Variants in HGS observed in about 807,000 individuals in gnomAD.
The protein encoded by HGS is human growth factor-regulated tyrosine kinase substrate.
Under a neutral mutation model 109.7 loss-of-function variants are expected in HGS, and 63 were observed. The ratio of observed to expected loss-of-function variants is 0.57; its 90% CI spans 0.47 to 0.71. The LOEUF (loss-of-function observed/expected upper bound fraction) is 0.71. HGS is among the 30% of genes least tolerant of loss of function. The probability of loss-of-function intolerance (pLI) is 0.00; values close to 1 mark genes in which losing one functional copy is unlikely to be tolerated. For synonymous variants in HGS, 546 were observed against 437.3 expected (o/e 1.25, Z -3.10); for missense variants, 995 against 1,068.3 (o/e 0.93, Z 0.96).
At chr17:81,692,041 A>G (rs77153223) in intron 8 of HGS, 4,996 of 176,042 alleles carry the variant, frequency 0.028, 110 homozygotes, top group African/African-American at 0.054. Flanking sequence ...TTTATTTTGA[A>G]TTTGCATGAG....
At chr17:81,699,884 G>C (rs1425024533) in intron 18 of HGS, among the ~76,000 whole-genome samples, 1 of 148,804 alleles carries the variant, frequency 6.7e-6, no homozygotes, top group Non-Finnish European at 1.5e-5. Context: ...ACACCAGCCT[G>C]ACCAACATGG....
chr17:81,699,667 G>A (rs1480753677), intron 18 of HGS, among the ~76,000 whole-genome samples: 1 of 151,874 alleles, frequency 6.6e-6, no homozygotes, highest in African/African-American at 2.4e-5. Context: ...ATCATGATCC[G>A]CCTGCCTCGG....
At chr17:81,699,043 G>A (rs2037194332) in intron 18 of HGS, among the ~76,000 whole-genome samples, 2 of 151,822 alleles carry the variant, frequency 1.3e-5, no homozygotes, top group East Asian at 3.9e-4. Context: ...CTCCAGCCTG[G>A]GTGACAGAGC....
intron 18 of HGS, among the ~76,000 whole-genome samples, chr17:81,700,182 T>C (rs576816437): frequency 9.8e-4 from 147 of 150,518 alleles, no homozygotes; most frequent in African/African-American, 3.2e-3. Flanking sequence ...CTGGCCAACA[T>C]GATGAAACCC....
At position 81,696,290 on chromosome 17, in the gene HGS, C is replaced by T. The variant is rs528219224; in HGVS notation, c.1394-67C>T. ...GCACAGGGCGGCCCATCTGCGTGTC[C>T]GTTCCACCCAGGAGCTTCTCGGCAC... On this transcript the variant is annotated intron_variant, in intron 15 of 21. Coordinates refer to ENST00000329138, the MANE Select transcript of HGS (RefSeq NM_004712.5). 5.8e-4 allele frequency: 844 copies of T among 1,458,356 alleles called. 1 individual carries two copies. The highest frequency in any genetic ancestry group is 6.9e-4 in the Non-Finnish European group (758 of 1,103,836). The allele number at this position is 1,458,356 out of a possible 1,614,324, so 90.3% of individuals were successfully genotyped here.
chr17:81,693,932 GC>G lies in HGS; in HGVS notation c.909del (p.Ala304ProfsTer9). The G allele has an allele frequency of 1.9e-6, 3 of 1,611,002 alleles. No individual in the cohort carries two copies. Reference sequence around the variant, plus strand: ...AGCCCATGCCCTCGGCCTCCTCAGCGCCCCCCGCCAGCAGCCTGTACTCTTC... The same window carrying G: ...AGCCCATGCCCTCGGCCTCCTCAGCGCCCCCGCCAGCAGCCTGTACTCTTC... ...AEPMPSASSA[P>X]PASSLYSSPV... is the part of the protein sequence containing the mutation. On this transcript the variant is annotated frameshift_variant, in exon 11 of 22. Coordinates refer to ENST00000329138, the MANE Select transcript of HGS (RefSeq NM_004712.5). LOFTEE classifies it high-confidence loss of function.
chr17:81,695,733 G>C, intron 14 of HGS, 53 bp from the exon 15 acceptor site: 19 of 1,570,604 alleles, frequency 1.2e-5, no homozygotes, highest in Non-Finnish European at 1.7e-5. Context: ...GCCCCACCAG[G>C]GAGGCTGGCT....
chr17:81,696,314 A>G, intron 15 of HGS, 43 bp from the exon 16 acceptor site: 2 of 1,488,818 alleles, frequency 1.3e-6, no homozygotes, highest in Non-Finnish European at 1.8e-6. Flanking sequence ...GCTTCTCGGC[A>G]CTGTGCCGGA....
intron 11 of HGS, among the ~76,000 whole-genome samples, chr17:81,694,498 G>A (rs200650774): frequency 1.4e-4 from 21 of 152,212 alleles, no homozygotes; most frequent in African/African-American, 5.1e-4. Context: ...TGTCGGCTGG[G>A]GCCCCACACG....
Position 81,696,399 on chromosome 17 carries a change from A to AT in HGS, c.1437dup (p.Ala480CysfsTer149), listed in dbSNP as rs1246192389. The AT allele has an allele frequency of 6.3e-7, 1 of 1,587,656 alleles. No homozygotes were observed. The highest frequency in any genetic ancestry group is 8.5e-7 in the Non-Finnish European group (1 of 1,169,634). ...CAGGACAAGCTGGCACAGATCCGCGATGCCCGGGGGGCGCTGAGTGCCCTG... is the reference window on the plus strand; with the variant it reads ...CAGGACAAGCTGGCACAGATCCGCGATTGCCCGGGGGGCGCTGAGTGCCCTG... On this transcript the variant is annotated frameshift_variant, in exon 16 of 22. Transcript: ENST00000329138. LOFTEE classifies it high-confidence loss of function.
At chr17:81,684,371 G>A (rs1029490135) in intron 1 of HGS, 2 of 343,698 alleles carry the variant, frequency 5.8e-6, no homozygotes, top group East Asian at 8.8e-5. Context: ...TCCTCCGCGG[G>A]CCCGGGCATT....
rs1255242707 is a variant in HGS, at chr17:81,691,403, G to A, written c.538-44G>A. The A allele has an allele frequency of 6.2e-7, 1 of 1,610,954 alleles. No homozygotes were observed. The highest frequency in any genetic ancestry group is 2.2e-5 in the East Asian group (1 of 44,812). ...GTTCTGGGCCGGGTGGCGCATCAGG[G>A]TCCCCCAGTGCCTGTGACCAGGCCC... On this transcript the variant is annotated intron_variant, in intron 7 of 21. Coordinates refer to ENST00000329138, the MANE Select transcript of HGS (RefSeq NM_004712.5). The surrounding 1 kb of genome is among the most constrained non-coding windows in gnomAD (Gnocchi z 5.3).
intron 18 of HGS, among the ~76,000 whole-genome samples, chr17:81,698,943 T>G (rs2037193486): frequency 6.6e-6 from 1 of 152,050 alleles, no homozygotes; most frequent in African/African-American, 2.4e-5. Context: ...GGTGCACACC[T>G]GTAATCCCAG....
chr17:81,695,094 A>C (rs771064574), intron 13 of HGS, 27 bp downstream of exon 13: 2 of 1,612,142 alleles, frequency 1.2e-6, no homozygotes, highest in East Asian at 2.2e-5. Flanking sequence ...CGGCATTCCT[A>C]GTGGCAGGGT....
In HGS at chr17:81,687,179, C is replaced by T. The variant is rs1646916449; in HGVS notation, c.291+84C>T. 8 of 900,412 alleles carry T rather than the reference C, an allele frequency of 8.9e-6. No individual in the cohort carries two copies. In the Admixed American group the frequency reaches 1.6e-4, roughly 18 times the overall value. The allele number at this position is 900,412 out of a possible 1,614,324, so 55.8% of individuals were successfully genotyped here. A position where few individuals can be genotyped will look rare whatever the true frequency, so the allele number is the denominator to read the frequency against. On this transcript the variant is annotated intron_variant, in intron 4 of 21. Coordinates refer to ENST00000329138, the MANE Select transcript of HGS (RefSeq NM_004712.5). ...TGTTTACTGGGCACTGATGACAGAA[C>T]AGCACCAGGTGTGGCGGAAAATGTG...
chr17:81,693,722 A>G lies in HGS; in HGVS notation c.810A>G (p.Ser270=). 1 of 1,558,262 alleles carries G rather than the reference A, an allele frequency of 6.4e-7. No homozygotes were observed. The highest frequency in any genetic ancestry group is 8.7e-7 in the Non-Finnish European group (1 of 1,151,674). ...AGCTGCAGCTGGCCCTGGCGCTGTCACAGTCAGAGGCGGAGGAGAAGGAGA... is the reference window on the plus strand; with the variant it reads ...AGCTGCAGCTGGCCCTGGCGCTGTCGCAGTCAGAGGCGGAGGAGAAGGAGA... ...EEELQLALAL[S]QSEAEEKERL... Residue 270 remains serine, a synonymous_variant, in exon 10 of 22, where the codon TCA becomes TCG. Coordinates refer to ENST00000329138, the MANE Select transcript of HGS (RefSeq NM_004712.5).
At chr17:81,694,692 C>A in intron 11 of HGS, 123 bp from the exon 12 acceptor site, 2 of 1,117,320 alleles carry the variant, frequency 1.8e-6, no homozygotes, top group Admixed American at 1.8e-5. Flanking sequence ...CAGAGGAGGG[C>A]ACGGAGGGAG....
chr17:81,696,196 C>CCCTGT (rs1358174723), intron 15 of HGS, 161 bp from the exon 16 acceptor site: 4 of 968,488 alleles, frequency 4.1e-6, no homozygotes, highest in Non-Finnish European at 5.8e-6. Flanking sequence ...CCCTGCCCTG[C>CCCTGT]CCTGCCCAGG....
intron 18 of HGS, chr17:81,698,049 C>G (rs2037182045): frequency 6.6e-6 from 1 of 152,096 alleles, no homozygotes; most frequent in Admixed American, 6.5e-5. Context: ...GCCTGTAGTC[C>G]CAGCACATTG....
Sources: gnomAD v4.1 joint callset for allele counts (sites outside exome capture counted in the v4.1 genomes callset) on GRCh38, gnomAD v4.1.1 for gene constraint, Gnocchi (gnomAD v3.1) non-coding constraint, MANE v1.5 for transcripts, NCBI Gene and HGNC (gene_info 2026-07-23, HGNC 2026-07-21) for gene names.